Variants in EDN2 observed in about 807,000 individuals in gnomAD.
EDN2 encodes endothelin 2.
In EDN2, 10 loss-of-function variants were observed where a neutral mutation model predicts 19.9. The observed-to-expected ratio is 0.50, with a 90% confidence interval of 0.31 to 0.85. The LOEUF (loss-of-function observed/expected upper bound fraction) is 0.85, where lower values mean the gene tolerates loss of function less well. Ranked by LOEUF, EDN2 falls within the 40% of genes least tolerant of loss-of-function variation. EDN2 has a pLI of 0.05. For missense variants in EDN2, 222 were observed against 239.3 expected (o/e 0.93, Z 0.48); for synonymous variants, 84 against 94.9 (o/e 0.89, Z 0.67).
rs752612340 is a variant in EDN2 at position 41,482,453 on chromosome 1, G to A, written c.344+13C>T. On this transcript the variant is annotated intron_variant, in intron 3 of 4. Transcript: ENST00000372587. ...AGCTACCCTATGCCCCTGCAGGCTG[G>A]GTGCCCACCTACCAGGGCCTTCGAA... 1.1e-5 allele frequency: 17 copies of A among 1,596,058 alleles called. No homozygotes were observed. Among genetic ancestry groups the A allele is most frequent in the Non-Finnish European group, 1.4e-5 (16 of 1,172,012 alleles).
At chr1:41,481,300 G>A (rs1644245664) in intron 3 of EDN2, 107 bp from the exon 4 acceptor site, 1 of 828,322 alleles carries the variant, frequency 1.2e-6, no homozygotes, top group South Asian at 1.7e-5. Flanking sequence ...CCACCTGCCT[G>A]CGGGAGCAGA....
chr1:41,483,215 G>C (rs1428481884), intron 2 of EDN2: 3 of 152,358 alleles, frequency 2.0e-5, no homozygotes, highest in African/African-American at 7.2e-5. Context: ...CCCTGTGGCT[G>C]GCTAGACCAG....
chr1:41,481,622 A>C (rs1162312976), intron 3 of EDN2, among the ~76,000 whole-genome samples: 1 of 150,944 alleles, frequency 6.6e-6, no homozygotes, highest in African/African-American at 2.4e-5. Flanking sequence ...TCACTGCAGC[A>C]TCTGCCTCCC....
In EDN2 at chr1:41,484,654, C is replaced by A. The variant is rs906960366; in HGVS notation, c.-53G>T. The A allele has an allele frequency of 1.9e-6, 3 of 1,545,410 alleles. No individual in the cohort carries two copies. Among genetic ancestry groups the A allele is most frequent in the Non-Finnish European group, 1.8e-6 (2 of 1,142,650 alleles). On this transcript the variant is annotated 5_prime_UTR_variant, in exon 1 of 5. Transcript: ENST00000372587. The stretch of plus-strand genomic sequence containing the variant: ...TGGAGCAGGGAGTGCCTGTTGCCAG[C>A]GTCCTGCTATTAAGCTGAGCAGATA...
At chr1:41,483,094 A>G (rs1644261987) in intron 2 of EDN2, 1 of 152,596 alleles carries the variant, frequency 6.6e-6, no homozygotes, top group South Asian at 2.1e-4. Flanking sequence ...GGGGTAACAC[A>G]TGTGCCTTAG....
intron 4 of EDN2, among the ~76,000 whole-genome samples, chr1:41,480,166 G>A (rs1338726066): frequency 1.3e-5 from 2 of 152,238 alleles, no homozygotes; most frequent in African/African-American, 2.4e-5. Flanking sequence ...TGAAGTGTGC[G>A]CTTTTGAAAA....
intron 3 of EDN2, 115 bp from the exon 4 acceptor site, chr1:41,481,308 A>T: frequency 1.3e-6 from 1 of 768,888 alleles, no homozygotes; most frequent in Non-Finnish European, 2.1e-6. Flanking sequence ...CTGCGGGAGC[A>T]GATCCATTTC....
chr1:41,482,418 C>T, intron 3 of EDN2, 48 bp downstream of exon 3: 1 of 1,532,256 alleles, frequency 6.5e-7, no homozygotes, highest in African/African-American at 1.4e-5. Context: ...CAGGGCATGC[C>T]CGGGCTTGCA....
chr1:41,482,561 G>A lies in EDN2; in HGVS notation c.249C>T (p.Asn83=). Residue 83 remains asparagine (N), a synonymous_variant, in exon 3 of 5, where the codon AAC becomes AAT. Transcript: ENST00000372587. Reference sequence around the variant, plus strand: ...GGGAGCGGCGCCGGCGTCTTGGCGGGTTTCCCAGGCCGTAAGGAGCTGTCT... The same window carrying A: ...GGGAGCGGCGCCGGCGTCTTGGCGGATTTCCCAGGCCGTAAGGAGCTGTCT... ...PEQTAPYGLG[N]PPRRRRRSLP... is the part of the protein sequence containing the mutation. 3 of 1,589,386 alleles carry A rather than the reference G, an allele frequency of 1.9e-6. No individual in the cohort carries two copies. Among genetic ancestry groups the A allele is most frequent in the South Asian group, 1.1e-5 (1 of 89,222 alleles).
In EDN2 at chr1:41,481,006, G is replaced by A. The variant is rs2149037354; in HGVS notation, c.443+89C>T. 3.6e-6 allele frequency: 4 copies of A among 1,123,556 alleles called. No individual in the cohort carries two copies. In the East Asian group the frequency reaches 9.6e-5, roughly 27 times the overall value. 69.6% of individuals were successfully genotyped at this position (1,123,556 alleles called of 1,614,324 possible). On this transcript the variant is annotated intron_variant, in intron 4 of 4. Coordinates refer to ENST00000372587, the MANE Select transcript of EDN2 (RefSeq NM_001956.5). ...CTCAGTTCTCTTTGCTGCCCAATGAGGACCCAGGCCTGCCTCACATAGAAA... is the reference window on the plus strand; with the variant it reads ...CTCAGTTCTCTTTGCTGCCCAATGAAGACCCAGGCCTGCCTCACATAGAAA...
intron 4 of EDN2, among the ~76,000 whole-genome samples, chr1:41,480,173 A>G (rs1212535179): frequency 6.6e-6 from 1 of 152,226 alleles, no homozygotes; most frequent in Non-Finnish European, 1.5e-5. Context: ...TGCGCTTTTG[A>G]AAAGTCTTGT....
At chr1:41,482,633 A>C in intron 2 of EDN2, 45 bp from the exon 3 acceptor site, 2 of 1,514,372 alleles carry the variant, frequency 1.3e-6, no homozygotes, top group Non-Finnish European at 1.8e-6. Context: ...GGTGGAGAGA[A>C]AGAGAGAGAG....
At position 41,479,461 on chromosome 1, in the gene EDN2, T is replaced by A; in HGVS notation, c.485A>T (p.Gln162Leu). The A allele has an allele frequency of 6.2e-7, 1 of 1,614,174 alleles. No homozygotes were observed. Among genetic ancestry groups the A allele is most frequent in the Non-Finnish European group, 8.5e-7 (1 of 1,180,030 alleles). ...GGACCGAGGCTCCCGCATGGCCTCC[T>A]GTTGTCGCTTGGCAAAGAGGCTCTT... ...TVKSLFAKRQ[Q>L]EAMREPRSTH... Residue 162 changes from glutamine to leucine, a missense_variant, in exon 5 of 5, where the codon CAG (glutamine) becomes CTG (leucine). Gln to Leu is a moderately radical substitution (Grantham distance 113, BLOSUM62 -2). Transcript: ENST00000372587.
chr1:41,483,934 C>G, intron 2 of EDN2, 113 bp downstream of exon 2: 1 of 1,163,652 alleles, frequency 8.6e-7, no homozygotes, highest in Non-Finnish European at 1.2e-6. Flanking sequence ...GTGCCTCCAT[C>G]TGGAGGCCCA....
At position 41,484,166 on chromosome 1, in the gene EDN2, C is replaced by T. The variant is rs41269469; in HGVS notation, c.102G>A (p.Ala34=). Residue 34 remains alanine, a synonymous_variant, in exon 2 of 5, where the codon GCG becomes GCA. Transcript: ENST00000372587. ...GGGTGCCTTGGGCATGAGATGAGGA[C>T]GCTGGCTGCTCCAGGGTGGCAGCAG... ...GQAAATLEQP[A]SSSHAQGTHL... The T allele has an allele frequency of 5.7e-4, 924 of 1,612,988 alleles. 1 individual carries two copies. The highest frequency in any genetic ancestry group is 7.2e-4 in the Non-Finnish European group (851 of 1,180,004).
chr1:41,484,148 T>A lies in EDN2; in HGVS notation c.120A>T (p.Gln40His). 2 of 1,613,558 alleles carry A rather than the reference T, an allele frequency of 1.2e-6. No homozygotes were observed. Among genetic ancestry groups the A allele is most frequent in the Non-Finnish European group, 1.7e-6 (2 of 1,180,024 alleles). ...AACGGCGAAGCCGAAGGTGGGTGCC[T>A]TGGGCATGAGATGAGGACGCTGGCT... ...LEQPASSSHAQGTHLRLRRCS... is the reference protein window; with the variant it reads ...LEQPASSSHAHGTHLRLRRCS... The change falls in exon 2 of 5, where the codon CAA becomes CAT. Residue 40 changes from glutamine to histidine, a missense_variant. Physicochemically the swap from Gln to His is conservative, Grantham distance 24. Transcript: ENST00000372587.
At position 41,484,044 on chromosome 1, in the gene EDN2, C is replaced by G; in HGVS notation, c.221+3G>C. On this transcript the variant is annotated splice_donor_region_variant and intron_variant, in intron 2 of 4. Transcript: ENST00000372587. ...CCTGCCCCCAATCCCCATGGATGCT[C>G]ACTCAGGAGTGTTCACCCAGATGAT... 1.9e-6 allele frequency: 3 copies of G among 1,598,140 alleles called. No homozygotes were observed. Among genetic ancestry groups the G allele is most frequent in the Non-Finnish European group, 2.6e-6 (3 of 1,172,078 alleles).
chr1:41,483,800 A>C (rs1381368181), intron 2 of EDN2: 1 of 437,574 alleles, frequency 2.3e-6, no homozygotes, highest in Non-Finnish European at 4.1e-6. Flanking sequence ...CAGCACTTGA[A>C]TCTGGAAAAC....
At position 41,484,115 on chromosome 1, in the gene EDN2, G is replaced by A. The variant is rs1260305395; in HGVS notation, c.153C>T (p.Cys51=). ...GTHLRLRRCS[C]SSWLDKECVY... ...CGCACTCCTTGTCGAGCCAGGAGCT[G>A]CAGGAGCAACGGCGAAGCCGAAGGT... The change falls in exon 2 of 5, where the codon TGC becomes TGT. Residue 51 remains cysteine (C), a synonymous_variant. Coordinates refer to ENST00000372587, the MANE Select transcript of EDN2 (RefSeq NM_001956.5). The A allele has an allele frequency of 6.2e-7, 1 of 1,613,826 alleles. No homozygotes were observed. The highest frequency in any genetic ancestry group is 8.5e-7 in the Non-Finnish European group (1 of 1,179,982).
Sources: allele counts gnomAD v4.1 joint callset (sites outside exome capture counted in the v4.1 genomes callset), GRCh38; gene constraint gnomAD v4.1.1; transcripts MANE v1.5; gene names NCBI Gene and HGNC (gene_info 2026-07-23, HGNC 2026-07-21).